The following GLMN variants were observed in gnomAD, a reference collection of about 807,000 sequenced individuals.
The protein encoded by GLMN is glomulin, FKBP associated protein, also known as glomulin.
Under a neutral mutation model 87.8 loss-of-function variants are expected in GLMN, and 75 were observed. The observed-to-expected ratio is 0.85, with a 90% CI of 0.71 to 1.04. The LOEUF (loss-of-function observed/expected upper bound fraction) is 1.04. Ranked by LOEUF, GLMN falls within the 50% of genes least tolerant of loss-of-function variation. GLMN has a pLI of 0.00. For synonymous variants in GLMN, 206 were observed against 221.6 expected (o/e 0.93, Z 0.63); for missense variants, 588 against 658.8 (o/e 0.89, Z 1.18).
At chr1:92,284,812 T>G (rs756459963) in intron 7 of GLMN, among the ~76,000 whole-genome samples, 7 of 151,990 alleles carry the variant, frequency 4.6e-5, no homozygotes, top group Admixed American at 6.5e-5. Context: ...GCAAAGGATA[T>G]GAACAGACAC....
At chr1:92,309,959 T>C in the GLMN span, among the ~76,000 whole-genome samples, 1 of 152,160 alleles carries the variant, frequency 6.6e-6, no homozygotes, top group African/African-American at 2.4e-5. Flanking sequence ...ACAAAATGAA[T>C]TAAAGAAGAA....
the GLMN span, among the ~76,000 whole-genome samples, chr1:92,359,406 G>A: frequency 1.3e-5 from 2 of 152,242 alleles, no homozygotes; most frequent in Admixed American, 6.5e-5. Flanking sequence ...CGCAACCCCC[G>A]CCTCCCAGGT....
At chr1:92,346,256 C>T in the GLMN span, among the ~76,000 whole-genome samples, 2 of 151,874 alleles carry the variant, frequency 1.3e-5, no homozygotes, top group Non-Finnish European at 2.9e-5. Context: ...CTCTGCCTCC[C>T]AGGCTCAAGC....
At chr1:92,357,831 C>A in the GLMN span, among the ~76,000 whole-genome samples, 1 of 152,256 alleles carries the variant, frequency 6.6e-6, no homozygotes, top group African/African-American at 2.4e-5. Context: ...CATACCCTGC[C>A]CCTGAGATAA....
chr1:92,307,480 G>T, the GLMN span, among the ~76,000 whole-genome samples: 2 of 152,078 alleles, frequency 1.3e-5, no homozygotes, highest in Admixed American at 1.3e-4. Context: ...AATGTTATTT[G>T]TTTGTTGTTT....
the GLMN span, among the ~76,000 whole-genome samples, chr1:92,320,830 A>G: frequency 6.6e-6 from 1 of 152,206 alleles, no homozygotes; most frequent in African/African-American, 2.4e-5. Flanking sequence ...TTTGATCTGT[A>G]TGATTTATTG....
intron 7 of GLMN, among the ~76,000 whole-genome samples, chr1:92,285,776 A>C (rs991944012): frequency 6.6e-6 from 1 of 152,232 alleles, no homozygotes; most frequent in African/African-American, 2.4e-5. Context: ...CTACACAGCC[A>C]CATGGACTTT....
At chr1:92,294,455 C>A (rs1331802745) in intron 3 of GLMN, among the ~76,000 whole-genome samples, 2 of 152,130 alleles carry the variant, frequency 1.3e-5, no homozygotes. Context: ...AAATACTATA[C>A]ATGCATATCT....
chr1:92,326,785 A>T, the GLMN span, among the ~76,000 whole-genome samples: 2 of 152,236 alleles, frequency 1.3e-5, no homozygotes, highest in Non-Finnish European at 2.9e-5. Flanking sequence ...CCAAAAGACC[A>T]GTTTCACTCC....
the GLMN span, among the ~76,000 whole-genome samples, chr1:92,343,857 G>T: frequency 1.3e-5 from 2 of 152,138 alleles, no homozygotes; most frequent in Admixed American, 1.3e-4. Flanking sequence ...TAATACTGTG[G>T]TCCAGATAGG....
the GLMN span, among the ~76,000 whole-genome samples, chr1:92,340,953 G>T: frequency 6.6e-6 from 1 of 152,050 alleles, no homozygotes; most frequent in Non-Finnish European, 1.5e-5. Context: ...AATCAGTGAT[G>T]AATCAAGGTA....
chr1:92,344,180 C>T, the GLMN span, among the ~76,000 whole-genome samples: 11 of 152,104 alleles, frequency 7.2e-5, no homozygotes, highest in Admixed American at 5.9e-4. Flanking sequence ...GAGGCCGAGG[C>T]GGGTGGATCA....
chr1:92,296,233 T>C (rs570102995), intron 3 of GLMN, among the ~76,000 whole-genome samples: 2 of 152,220 alleles, frequency 1.3e-5, no homozygotes, highest in South Asian at 4.1e-4. Flanking sequence ...GCACTGCAAA[T>C]GAAGAAAGAG....
the GLMN span, among the ~76,000 whole-genome samples, chr1:92,356,884 T>TA: frequency 6.6e-6 from 1 of 151,632 alleles, no homozygotes; most frequent in Non-Finnish European, 1.5e-5. Flanking sequence ...CCAACATGGT[T>TA]AAAGTATGTC....
rs886046547 is a variant in GLMN, at chr1:92,289,020, A to G, written c.526T>C (p.Cys176Arg). 2 of 1,609,086 alleles carry G rather than the reference A, an allele frequency of 1.2e-6. No individual in the cohort carries two copies. The highest frequency in any genetic ancestry group is 1.7e-6 in the Non-Finnish European group (2 of 1,175,420). The change falls in exon 6 of 19, where the codon TGT (cysteine) becomes CGT (arginine). Residue 176 changes from cysteine (C) to arginine (R), a missense_variant. Physicochemically the swap from Cys to Arg is radical, Grantham distance 180. Transcript: ENST00000370360. ...IQMDDYGLCQ[C>R]CKALIEFTKP... ...GTGAACTCTATTAAGGCCTTGCAAC[A>G]CTGACAAAGGCCATAGTCATCCATT...
chr1:92,324,151 G>A, the GLMN span: 4 of 1,614,108 alleles, frequency 2.5e-6, no homozygotes, highest in African/African-American at 1.3e-5. Flanking sequence ...TGATGAAGAT[G>A]ACATAATCTC....
At chr1:92,345,710 T>C in the GLMN span, 4 of 592,022 alleles carry the variant, frequency 6.8e-6, no homozygotes, top group Non-Finnish European at 1.2e-5. Flanking sequence ...TATTGACTCT[T>C]TCCTGTCAAA....
At chr1:92,256,674 T>C (rs750495176) in intron 16 of GLMN, among the ~76,000 whole-genome samples, 1 of 152,220 alleles carries the variant, frequency 6.6e-6, no homozygotes, top group Admixed American at 6.5e-5. Flanking sequence ...TCTCAACAGA[T>C]GCAGAAAAGG....
chr1:92,337,256 G>A, the GLMN span, among the ~76,000 whole-genome samples: 1 of 152,064 alleles, frequency 6.6e-6, no homozygotes, highest in Non-Finnish European at 1.5e-5. Flanking sequence ...TTTTAGAAGT[G>A]TAAAATTACA....
Sources: allele counts gnomAD v4.1 joint callset (sites outside exome capture counted in the v4.1 genomes callset), GRCh38; gene constraint gnomAD v4.1.1; transcripts MANE v1.5; gene names NCBI Gene and HGNC (gene_info 2026-07-23, HGNC 2026-07-21).